Variants in GRM4 observed in about 807,000 individuals in gnomAD.
GRM4 encodes the protein glutamate metabotropic receptor 4.
GRM4 carries 28 observed loss-of-function variants against 81.7 expected under a neutral mutation model. The observed-to-expected ratio is 0.34, with a 90% CI of 0.25 to 0.47. GRM4 has a LOEUF of 0.47. Ranked by LOEUF, GRM4 falls within the 20% of genes least tolerant of loss-of-function variation. GRM4 has a pLI of 1.00. For missense variants in GRM4, 948 were observed against 1,290.0 expected, an observed-to-expected ratio of 0.73 and a Z score of 4.06; for synonymous variants, 488 against 528.8, an observed-to-expected ratio of 0.92 and a Z score of 1.06.
In GRM4 at chr6:34,103,552, C is replaced by T. The variant is rs546825560; in HGVS notation, c.520-11453G>A. 2.7e-5 allele frequency: 41 copies of T among 1,499,914 alleles called. 1 individual carries two copies. The Middle Eastern group carries it at 2.2e-3, about 80-fold the overall frequency. The allele number at this position is 1,499,914 out of a possible 1,614,324, so 92.9% of individuals were successfully genotyped here. A position where few individuals can be genotyped will look rare whatever the true frequency, so the allele number is the denominator to read the frequency against. On this transcript the variant is annotated intron_variant, in intron 2 of 10. Coordinates refer to ENST00000538487, the MANE Select transcript of GRM4 (RefSeq NM_000841.4). The stretch of plus-strand genomic sequence containing the variant: ...ATCAGCACTTGTCCTATTTCATAGG[C>T]GAAATGTAGATCAATAAATTATACT...
At chr6:34,107,199 G>A (rs1042259859) in intron 2 of GRM4, among the ~76,000 whole-genome samples, 20 of 152,174 alleles carry the variant, frequency 1.3e-4, no homozygotes, top group African/African-American at 3.4e-4. Flanking sequence ...GGACACTGGC[G>A]GCCCCTTGCT....
rs557275104 is a variant in GRM4 at position 34,058,917 on chromosome 6, G to A, written c.1027+57C>T. 2.7e-5 allele frequency: 38 copies of A among 1,391,552 alleles called. No individual in the cohort carries two copies. The Admixed American group carries it at 4.0e-4, about 15-fold the overall frequency. 86.2% of individuals were successfully genotyped at this position (1,391,552 alleles called of 1,614,324 possible). The stretch of plus-strand genomic sequence containing the variant: ...CAGAAGGGGAAGGAAGCCGAGGAGG[G>A]ATGGCAGGAGGAGCAGTCCAGGATG... On this transcript the variant is annotated intron_variant, in intron 5 of 10. Transcript: ENST00000538487.
chr6:34,077,211 C>T (rs1286654104), intron 3 of GRM4, among the ~76,000 whole-genome samples: 1 of 152,110 alleles, frequency 6.6e-6, no homozygotes, highest in Non-Finnish European at 1.5e-5. Flanking sequence ...TAGGGTGCAG[C>T]TGTCCAGAGT....
intron 1 of GRM4, chr6:34,154,946 C>T (rs1771118313): frequency 4.4e-6 from 3 of 681,388 alleles, no homozygotes; most frequent in South Asian, 3.2e-5. Context: ...GCCGAACGCC[C>T]TCATTGCACC....
In GRM4 at chr6:34,069,439, C is replaced by A. The variant is rs1489087059; in HGVS notation, c.737-7411G>T. On this transcript the variant is annotated intron_variant, in intron 3 of 10. Transcript: ENST00000538487. This position sits in a 1 kb window ranked among gnomAD's most constrained non-coding sequence, Gnocchi z 6.4. The stretch of plus-strand genomic sequence containing the variant: ...CACCAGGCCCCAGCAAAGGCCCTCC[C>A]CATGCGGCTGCTCCAGAGTGAGCTG... Among the ~76,000 whole-genome samples, 2 of 152,146 alleles carry A rather than the reference C, an allele frequency of 1.3e-5. No individual in the cohort carries two copies. The highest frequency in any genetic ancestry group is 2.9e-5 in the Non-Finnish European group (2 of 68,010).
rs1562024678 is a variant in GRM4, at chr6:34,048,660, C to T, written c.1168+7884G>A. On this transcript the variant is annotated intron_variant, in intron 6 of 10. Coordinates refer to ENST00000538487, the MANE Select transcript of GRM4 (RefSeq NM_000841.4). This position sits in a 1 kb window ranked among gnomAD's most constrained non-coding sequence, Gnocchi z 4.0. ...ATCTCACCTCGAATCATAATCCCCACATGTCAGGGAAGGGACTTGGTGGGA... is the reference window on the plus strand; with the variant it reads ...ATCTCACCTCGAATCATAATCCCCATATGTCAGGGAAGGGACTTGGTGGGA... 6.6e-6 allele frequency among the ~76,000 whole-genome samples: 1 copy of T among 152,166 alleles called. No individual in the cohort carries two copies. Among genetic ancestry groups the T allele is most frequent in the East Asian group, 1.9e-4 (1 of 5,202 alleles).
Position 34,089,104 on chromosome 6 carries a change from C to T in GRM4, c.736+2779G>A, listed in dbSNP as rs900539859. ...GGCATAGTCATGCTCCTCTGAAGCA[C>T]CCAGAGACCAGCACACAGTTGGCAC... On this transcript the variant is annotated intron_variant, in intron 3 of 10. Transcript: ENST00000538487. This position sits in a 1 kb window ranked among gnomAD's most constrained non-coding sequence, Gnocchi z 4.3. 3.3e-5 allele frequency among the ~76,000 whole-genome samples: 5 copies of T among 152,120 alleles called. No homozygotes were observed. The highest frequency in any genetic ancestry group is 1.2e-4 in the African/African-American group (5 of 41,426).
intron 2 of GRM4, among the ~76,000 whole-genome samples, chr6:34,093,979 TA>T (rs1239083385): frequency 5.9e-5 from 9 of 152,220 alleles, no homozygotes; most frequent in African/African-American, 2.2e-4. Context: ...TTTGTAACAG[TA>T]AAAGTTTGGA....
intron 3 of GRM4, among the ~76,000 whole-genome samples, chr6:34,063,979 G>A (rs1462822508): frequency 6.6e-6 from 1 of 152,204 alleles, no homozygotes; most frequent in Non-Finnish European, 1.5e-5. Flanking sequence ...GTTAGGTTAA[G>A]TCATATTTCT....
At chr6:34,140,965 GAA>G (rs1770664092) in intron 1 of GRM4, among the ~76,000 whole-genome samples, 1 of 152,354 alleles carries the variant, frequency 6.6e-6, no homozygotes, top group African/African-American at 2.4e-5. Context: ...GTCAGGCACT[GAA>G]AAGAGGCAGT....
chr6:34,137,601 TGA>T (rs1770512579), intron 1 of GRM4, among the ~76,000 whole-genome samples: 1 of 152,014 alleles, frequency 6.6e-6, no homozygotes, highest in South Asian at 2.1e-4. Context: ...CTTTTTTTTT[TGA>T]GACAGGGTCT....
At chr6:34,131,189 A>G (rs1025576582) in intron 2 of GRM4, among the ~76,000 whole-genome samples, 1 of 152,224 alleles carries the variant, frequency 6.6e-6, no homozygotes, top group Non-Finnish European at 1.5e-5. Context: ...CCATCCTGCC[A>G]AAGAACTGCA....
chr6:34,056,533 C>T lies in GRM4; in HGVS notation c.1168+11G>A. On this transcript the variant is annotated intron_variant, in intron 6 of 10. Coordinates refer to ENST00000538487, the MANE Select transcript of GRM4 (RefSeq NM_000841.4). Reference sequence around the variant, plus strand: ...AGAGCCCGCCCGGCCCTGCCCGGCCCGCGTGCTCACTGGTGCACTTCTTGA... The same window carrying T: ...AGAGCCCGCCCGGCCCTGCCCGGCCTGCGTGCTCACTGGTGCACTTCTTGA... The T allele has an allele frequency of 6.2e-7, 1 of 1,610,024 alleles. No homozygotes were observed. The highest frequency in any genetic ancestry group is 8.5e-7 in the Non-Finnish European group (1 of 1,178,314).
Position 34,133,519 on chromosome 6 carries a change from T to C in GRM4, c.-23A>G. ...CATCTCGGAAATCCCTAGAGACCCA[T>C]GAACGGCAGGCCCACTCCTAGCCCT... On this transcript the variant is annotated 5_prime_UTR_variant, in exon 2 of 11. The change abolishes an upstream ATG in the 5' untranslated region. Coordinates refer to ENST00000538487, the MANE Select transcript of GRM4 (RefSeq NM_000841.4). This position sits in a 1 kb window ranked among gnomAD's most constrained non-coding sequence, Gnocchi z 6.5. 6.5e-7 allele frequency: 1 copy of C among 1,530,556 alleles called. No individual in the cohort carries two copies. The highest frequency in any genetic ancestry group is 8.8e-7 in the Non-Finnish European group (1 of 1,141,542). 94.8% of individuals were successfully genotyped at this position (1,530,556 alleles called of 1,614,324 possible).
intron 6 of GRM4, among the ~76,000 whole-genome samples, chr6:34,049,219 A>G (rs1411047422): frequency 6.6e-6 from 1 of 152,000 alleles, no homozygotes; most frequent in East Asian, 1.9e-4. Flanking sequence ...GCTTTTGTGG[A>G]GGTCACAATC....
At chr6:34,106,137 A>G (rs143109744) in intron 2 of GRM4, among the ~76,000 whole-genome samples, 14 of 152,290 alleles carry the variant, frequency 9.2e-5, no homozygotes, top group Non-Finnish European at 1.8e-4. Flanking sequence ...CATCATGGCC[A>G]GGCATGGTGG....
chr6:34,039,792 C>G (rs1002347265), intron 8 of GRM4, among the ~76,000 whole-genome samples: 20 of 151,996 alleles, frequency 1.3e-4, no homozygotes, highest in African/African-American at 4.3e-4. Flanking sequence ...AGCCCTCCCC[C>G]TCCTCACCTT....
At chr6:34,087,992 G>A (rs1384229832) in intron 3 of GRM4, among the ~76,000 whole-genome samples, 2 of 152,000 alleles carry the variant, frequency 1.3e-5, no homozygotes, top group Admixed American at 6.6e-5. Flanking sequence ...GGCACAGCAC[G>A]GGGCCCAGCA....
chr6:34,046,144 G>A lies in GRM4; in HGVS notation c.1169-5396C>T, dbSNP rs1385138926. On this transcript the variant is annotated intron_variant, in intron 6 of 10. Coordinates refer to ENST00000538487, the MANE Select transcript of GRM4 (RefSeq NM_000841.4). ...AGTTCTAGCACTGGTACACACGTGCGTGCACACACATTGCTGAAGCAGCTC... is the reference window on the plus strand; with the variant it reads ...AGTTCTAGCACTGGTACACACGTGCATGCACACACATTGCTGAAGCAGCTC... Among the ~76,000 whole-genome samples, 6 of 152,212 alleles carry A rather than the reference G, an allele frequency of 3.9e-5. No individual in the cohort carries two copies. The East Asian group carries it at 7.7e-4, about 20-fold the overall frequency.
Sources: gnomAD v4.1 joint callset for allele counts (sites outside exome capture counted in the v4.1 genomes callset) on GRCh38, gnomAD v4.1.1 for gene constraint, Gnocchi (gnomAD v3.1) non-coding constraint, MANE v1.5 for transcripts, NCBI Gene and HGNC (gene_info 2026-07-23, HGNC 2026-07-21) for gene names.